FSIP2: variants seen among roughly 807,000 people sequenced by gnomAD.
FSIP2 encodes fibrous sheath-interacting protein 2.
A neutral mutation model predicts 510.5 loss-of-function variants in FSIP2; 367 were observed. The ratio of observed to expected loss-of-function variants is 0.72; its 90% CI spans 0.66 to 0.78. FSIP2 has a LOEUF of 0.78. FSIP2 is among the 30% of genes least tolerant of loss of function. FSIP2 has a pLI of 0.00. For synonymous variants in FSIP2, 2,601 were observed against 2,732.2 expected (o/e 0.95, Z 1.50); for missense variants, 7,594 against 7,901.7 (o/e 0.96, Z 1.48).
At chr2:185,768,520 C>G (rs1256801726) in intron 13 of FSIP2, among the ~76,000 whole-genome samples, 1 of 152,080 alleles carries the variant, frequency 6.6e-6, no homozygotes. Flanking sequence ...AAAAAATTAT[C>G]TTTCCCTATT....
At position 185,806,056 on chromosome 2, in the gene FSIP2, A is replaced by G; in HGVS notation, c.16750A>G (p.Thr5584Ala). ...DKKGKDDEIY[T>A]HFSLIIDDTE... Reference sequence around the variant, plus strand: ...AAAAGGGAAAGATGATGAGATATACACACATTTTTCATTAATAATTGATGA... The same window carrying G: ...AAAAGGGAAAGATGATGAGATATACGCACATTTTTCATTAATAATTGATGA... The change falls in exon 17 of 23, where the codon ACA becomes GCA. Residue 5584 changes from threonine (T) to alanine (A), a missense_variant. Coordinates refer to ENST00000424728, the MANE Select transcript of FSIP2 (RefSeq NM_173651.4). 1 of 1,550,654 alleles carries G rather than the reference A, an allele frequency of 6.4e-7. No homozygotes were observed. Among genetic ancestry groups the G allele is most frequent in the Non-Finnish European group, 8.8e-7 (1 of 1,141,646 alleles).
chr2:185,759,649 T>C (rs1692311969), intron 9 of FSIP2, among the ~76,000 whole-genome samples: 1 of 146,138 alleles, frequency 6.8e-6, no homozygotes, highest in African/African-American at 2.5e-5. Flanking sequence ...TGTTATATAT[T>C]ATATATATTA....
At chr2:185,749,205 TG>T (rs143267365) in intron 7 of FSIP2, among the ~76,000 whole-genome samples, 4,326 of 152,052 alleles carry the variant, frequency 0.028, 202 homozygotes, top group African/African-American at 0.093. Flanking sequence ...TTTTTTTAAT[TG>T]GATTTGCATT....
chr2:185,782,842 C>T, intron 14 of FSIP2, 80 bp downstream of exon 14: 2 of 763,622 alleles, frequency 2.6e-6, no homozygotes, highest in Non-Finnish European at 2.2e-6. Flanking sequence ...CAAATGATTC[C>T]ATGGAATCCT....
At position 185,816,977 on chromosome 2, in the gene FSIP2, AAG is replaced by A. The variant is rs1394570612; in HGVS notation, c.20426+1508_20426+1509del. Among the ~76,000 whole-genome samples the A allele has an allele frequency of 2.8e-4, 10 of 36,258 alleles. No homozygotes were observed. In the East Asian group the frequency reaches 5.1e-3, roughly 18 times the overall value. The allele number at this position is 36,258 out of a possible 152,430, so 23.8% of individuals were successfully genotyped here. A position where few individuals can be genotyped will look rare whatever the true frequency, so the allele number is the denominator to read the frequency against. ...AACAAAAGGAAGAAGGAAAGAAAAA[AAG>A]AAAAGGAAGGGAAGAAGGGGAGGGA... On this transcript the variant is annotated intron_variant, in intron 19 of 22. Transcript: ENST00000424728.
At chr2:185,751,955 A>C (rs1023632778) in intron 7 of FSIP2, among the ~76,000 whole-genome samples, 6 of 133,058 alleles carry the variant, frequency 4.5e-5, no homozygotes, top group Admixed American at 2.3e-4. Context: ...GTTTGTCTAA[A>C]CTATCATTTA....
chr2:185,797,680 T>G, intron 16 of FSIP2, 154 bp downstream of exon 16: 2 of 703,306 alleles, frequency 2.8e-6, no homozygotes, highest in Non-Finnish European at 4.9e-6. Flanking sequence ...CACTTTAATT[T>G]TATTTTAAAT....
chr2:185,801,147 G>C lies in FSIP2; in HGVS notation c.11841G>C (p.Gln3947His). 1 of 1,533,810 alleles carries C rather than the reference G, an allele frequency of 6.5e-7. No individual in the cohort carries two copies. Among genetic ancestry groups the C allele is most frequent in the East Asian group, 2.5e-5 (1 of 40,814 alleles). Residue 3947 changes from glutamine (Q) to histidine (H), a missense_variant, in exon 17 of 23, where the codon CAG becomes CAC. By Grantham distance (24) the Gln-to-His change is conservative. Coordinates refer to ENST00000424728, the MANE Select transcript of FSIP2 (RefSeq NM_173651.4). ...KSSSVSPFER[Q>H]RTKEMDKVAI... is the part of the protein sequence containing the mutation. ...CTTCTGTGTCACCTTTTGAAAGACA[G>C]AGAACAAAGGAAATGGATAAGGTAG...
Position 185,789,175 on chromosome 2 carries a change from C to A in FSIP2, c.2039C>A (p.Ala680Glu). The A allele has an allele frequency of 6.5e-7, 1 of 1,534,572 alleles. No individual in the cohort carries two copies. The highest frequency in any genetic ancestry group is 8.7e-7 in the Non-Finnish European group (1 of 1,145,740). Residue 680 changes from alanine to glutamate, a missense_variant, in exon 16 of 23, where the codon GCA (alanine) becomes GAA (glutamate). Coordinates refer to ENST00000424728, the MANE Select transcript of FSIP2 (RefSeq NM_173651.4). Reference protein sequence around the residue: ...LGSSLHCDKTAKAMDEMKNLK... With the variant: ...LGSSLHCDKTEKAMDEMKNLK... ...AGTTCATTGCATTGTGATAAAACAG[C>A]AAAAGCCATGGATGAAATGAAGAAT...
intron 9 of FSIP2, among the ~76,000 whole-genome samples, chr2:185,758,848 A>G (rs1692295827): frequency 6.6e-6 from 1 of 150,952 alleles, no homozygotes; most frequent in African/African-American, 2.4e-5. Flanking sequence ...AAATACCTCA[A>G]TTTTCTTCAT....
In FSIP2 at chr2:185,807,421, A is replaced by C; in HGVS notation, c.18115A>C (p.Asn6039His). Residue 6039 changes from asparagine (N) to histidine (H), a missense_variant, in exon 17 of 23, where the codon AAT becomes CAT. By Grantham distance (68) the Asn-to-His change is moderately conservative. Coordinates refer to ENST00000424728, the MANE Select transcript of FSIP2 (RefSeq NM_173651.4). ...CACAAAAACAAAAGAACCTGAGGAC[A>C]ATTTGTCCACAGAACTGAATTTCCT... ...SSTKTKEPED[N>H]LSTELNFLQM... 6.2e-7 allele frequency: 1 copy of C among 1,610,626 alleles called. No individual in the cohort carries two copies. The highest frequency in any genetic ancestry group is 8.5e-7 in the Non-Finnish European group (1 of 1,178,942).
rs765427968 is a variant in FSIP2 at position 185,806,950 on chromosome 2, A to T, written c.17644A>T (p.Ile5882Phe). The change falls in exon 17 of 23, where the codon ATT (isoleucine) becomes TTT (phenylalanine). Residue 5882 changes from isoleucine to phenylalanine, a missense_variant. Transcript: ENST00000424728. ...EPTTDEAPSS[I>F]KIKSADKMPP... The stretch of plus-strand genomic sequence containing the variant: ...AACTACAGATGAAGCACCATCCAGC[A>T]TTAAGATAAAATCTGCAGATAAAAT... The T allele has an allele frequency of 3.1e-6, 5 of 1,611,550 alleles. No homozygotes were observed. The highest frequency in any genetic ancestry group is 4.2e-6 in the Non-Finnish European group (5 of 1,178,736).
chr2:185,796,587 A>C lies in FSIP2; in HGVS notation c.9451A>C (p.Asn3151His). 1.3e-6 allele frequency: 2 copies of C among 1,535,090 alleles called. No homozygotes were observed. Among genetic ancestry groups the C allele is most frequent in the Non-Finnish European group, 1.7e-6 (2 of 1,146,218 alleles). The change falls in exon 16 of 23, where the codon AAT (asparagine) becomes CAT (histidine). Residue 3151 changes from asparagine (N) to histidine (H), a missense_variant. By Grantham distance (68) the Asn-to-His change is moderately conservative. Transcript: ENST00000424728. ...SRESLFQGAE[N>H]AYTVNQVELA... ...AGAAAGTTTGTTCCAAGGAGCTGAAAATGCCTACACTGTTAATCAGGTTGA... is the reference window on the plus strand; with the variant it reads ...AGAAAGTTTGTTCCAAGGAGCTGAACATGCCTACACTGTTAATCAGGTTGA...
At chr2:185,744,743 C>T (rs1019641968) in intron 4 of FSIP2, 2 of 153,878 alleles carry the variant, frequency 1.3e-5, no homozygotes, top group Admixed American at 6.5e-5. Context: ...TAAATTGAAA[C>T]CTAAAACAGT....
intron 13 of FSIP2, among the ~76,000 whole-genome samples, chr2:185,776,344 G>A (rs1435843917): frequency 1.3e-5 from 2 of 152,062 alleles, no homozygotes; most frequent in African/African-American, 4.8e-5. Context: ...TACTATGGAT[G>A]TACAACTCAA....
At chr2:185,738,275 G>C (rs1025311176), upstream of FSIP2, 1 of 298,208 alleles carries the variant, frequency 3.4e-6, no homozygotes, top group Non-Finnish European at 6.4e-6. Context: ...AGGAGAAAGA[G>C]GGAAATAGGA....
intron 7 of FSIP2, among the ~76,000 whole-genome samples, chr2:185,751,223 C>CA (rs1692140189): frequency 6.6e-6 from 1 of 151,260 alleles, no homozygotes; most frequent in African/African-American, 2.4e-5. Context: ...TCTAGTATCT[C>CA]AGTTTTTGTT....
At chr2:185,763,358 G>A in intron 12 of FSIP2, 69 bp downstream of exon 12, 1 of 716,740 alleles carries the variant, frequency 1.4e-6, no homozygotes, top group Non-Finnish European at 2.5e-6. Context: ...GTCATAATTG[G>A]TATAAAATGT....
Position 185,800,168 on chromosome 2 carries a change from T to C in FSIP2, c.10862T>C (p.Val3621Ala). 6.5e-7 allele frequency: 1 copy of C among 1,533,178 alleles called. No individual in the cohort carries two copies. Among genetic ancestry groups the C allele is most frequent in the East Asian group, 2.4e-5 (1 of 40,824 alleles). The allele number at this position is 1,533,178 out of a possible 1,614,324, so 95.0% of individuals were successfully genotyped here. The change falls in exon 17 of 23, where the codon GTA becomes GCA. Residue 3621 changes from valine to alanine, a missense_variant. Coordinates refer to ENST00000424728, the MANE Select transcript of FSIP2 (RefSeq NM_173651.4). ...VIHVLSKEIE[V>A]DYHFESNVRN... ...CATGTACTGTCCAAAGAAATAGAAG[T>C]AGATTATCACTTTGAAAGCAATGTA...
Sources: gnomAD v4.1 joint callset for allele counts (sites outside exome capture counted in the v4.1 genomes callset) on GRCh38, gnomAD v4.1.1 for gene constraint, MANE v1.5 for transcripts, NCBI Gene and HGNC (gene_info 2026-07-23, HGNC 2026-07-21) for gene names.